KPNA1: variants seen among roughly 807,000 people sequenced by gnomAD.
The protein encoded by KPNA1 is karyopherin subunit alpha 1.
Under a neutral mutation model 70.5 loss-of-function variants are expected in KPNA1, and 10 were observed. The ratio of observed to expected loss-of-function variants is 0.14; its 90% CI spans 0.09 to 0.24. The LOEUF is 0.24. Among genes scored for constraint, KPNA1 ranks in the 10% least tolerant of loss-of-function variants. KPNA1 has a pLI of 1.00. For synonymous variants in KPNA1, 192 were observed against 221.9 expected, an observed-to-expected ratio of 0.87 and a Z score of 1.20; for missense variants, 397 against 637.9, an observed-to-expected ratio of 0.62 and a Z score of 4.07.
intron 2 of KPNA1, among the ~76,000 whole-genome samples, chr3:122,488,400 C>T (rs2076654779): frequency 6.6e-6 from 1 of 152,056 alleles, no homozygotes; most frequent in Admixed American, 6.6e-5. Flanking sequence ...TGCGTGCCTG[C>T]AGCCTCAGCT....
At chr3:122,514,025 T>C (rs2076985965) in intron 1 of KPNA1, among the ~76,000 whole-genome samples, 1 of 152,218 alleles carries the variant, frequency 6.6e-6, no homozygotes, top group Admixed American at 6.5e-5. Flanking sequence ...TCATGACGAC[T>C]TCCTTGACTC....
intron 9 of KPNA1, among the ~76,000 whole-genome samples, chr3:122,447,798 T>C (rs2076156677): frequency 1.3e-5 from 2 of 152,170 alleles, no homozygotes; most frequent in South Asian, 2.1e-4. Flanking sequence ...CCAAATCTCC[T>C]TGAGCTGATA....
intron 2 of KPNA1, among the ~76,000 whole-genome samples, chr3:122,484,294 T>G (rs2076604429): frequency 6.6e-6 from 1 of 152,196 alleles, no homozygotes; most frequent in African/African-American, 2.4e-5. Context: ...AGATTTTTAG[T>G]ACATAAGAAC....
chr3:122,496,624 T>C (rs2076764733), intron 1 of KPNA1, 54 bp from the exon 2 acceptor site: 2 of 1,520,722 alleles, frequency 1.3e-6, no homozygotes, highest in Non-Finnish European at 1.8e-6. Context: ...AGCTCTGTTA[T>C]TCTAAGAGCT....
Position 122,452,032 on chromosome 3 carries a change from A to G in KPNA1, c.597T>C (p.Asp199=). 5.6e-6 allele frequency: 9 copies of G among 1,612,528 alleles called. No individual in the cohort carries two copies. The highest frequency in any genetic ancestry group is 1.7e-5 in the Admixed American group (1 of 59,858). ...AGACATAGTCCCTGCACATGGTACT[A>G]TCTCCAGCAATGTTGCCAAGAGCCC... The part of the protein sequence containing the change: ...AVWALGNIAG[D]STMCRDYVLD... The change falls in exon 7 of 14, where the codon GAT becomes GAC. Residue 199 remains aspartate, a synonymous_variant. Coordinates refer to ENST00000344337, the MANE Select transcript of KPNA1 (RefSeq NM_002264.4).
At chr3:122,512,928 T>C (rs1002366981) in intron 1 of KPNA1, among the ~76,000 whole-genome samples, 5 of 148,644 alleles carry the variant, frequency 3.4e-5, no homozygotes, top group African/African-American at 4.9e-5. Context: ...TCAACTATAA[T>C]AACTGACAAA....
intron 8 of KPNA1, 127 bp downstream of exon 8, chr3:122,451,407 C>A: frequency 3.4e-6 from 2 of 589,354 alleles, no homozygotes; most frequent in Non-Finnish European, 5.8e-6. Flanking sequence ...CCTGTTTCTC[C>A]AAAAACAGAT....
chr3:122,478,200 A>G (rs868231180), intron 2 of KPNA1, among the ~76,000 whole-genome samples: 5 of 150,350 alleles, frequency 3.3e-5, no homozygotes, highest in Middle Eastern at 3.4e-3. Flanking sequence ...AAAAGAAAAA[A>G]GGGTCCAAAG....
intron 2 of KPNA1, among the ~76,000 whole-genome samples, chr3:122,486,743 C>A (rs1247101960): frequency 2.0e-5 from 3 of 152,086 alleles, no homozygotes; most frequent in Admixed American, 2.0e-4. Flanking sequence ...ACCGCCACCA[C>A]GCCCGGCTAA....
chr3:122,499,769 A>G (rs968127309), intron 1 of KPNA1, among the ~76,000 whole-genome samples: 47 of 152,096 alleles, frequency 3.1e-4, no homozygotes, highest in African/African-American at 1.1e-3. Flanking sequence ...CAAGAAAAAA[A>G]AAAAAAAAGA....
intron 2 of KPNA1, among the ~76,000 whole-genome samples, chr3:122,486,802 T>C (rs1381547584): frequency 6.6e-6 from 1 of 152,100 alleles, no homozygotes; most frequent in East Asian, 1.9e-4. Flanking sequence ...TTAGCCAGGA[T>C]GGTCTTGATC....
chr3:122,449,317 C>G (rs921111314), intron 9 of KPNA1, among the ~76,000 whole-genome samples: 6 of 152,118 alleles, frequency 3.9e-5, no homozygotes, highest in Non-Finnish European at 7.3e-5. Context: ...CAGTATGAGC[C>G]TGGAACTACA....
At chr3:122,476,232 T>C (rs911576646) in intron 2 of KPNA1, among the ~76,000 whole-genome samples, 1 of 152,116 alleles carries the variant, frequency 6.6e-6, no homozygotes, top group African/African-American at 2.4e-5. Flanking sequence ...AAATTAGATA[T>C]CCATGTGCAC....
chr3:122,453,684 G>A (rs537545805), intron 6 of KPNA1, among the ~76,000 whole-genome samples, 186 bp downstream of exon 6: 3 of 152,058 alleles, frequency 2.0e-5, no homozygotes, highest in East Asian at 3.9e-4. Flanking sequence ...TTACAGACAC[G>A]TACCACCATG....
chr3:122,438,399 T>TG (rs201723678), intron 10 of KPNA1, among the ~76,000 whole-genome samples: 21,070 of 151,864 alleles, frequency 0.14, 1,580 homozygotes, highest in East Asian at 0.32. Flanking sequence ...TGTTTTTTTT[T>TG]TTTTGAGACA....
At chr3:122,505,856 T>A (rs562332990) in intron 1 of KPNA1, among the ~76,000 whole-genome samples, 1 of 152,228 alleles carries the variant, frequency 6.6e-6, no homozygotes, top group Non-Finnish European at 1.5e-5. Flanking sequence ...GACACCTAGA[T>A]AACTACAACA....
intron 5 of KPNA1, among the ~76,000 whole-genome samples, chr3:122,454,916 T>C (rs909082149): frequency 3.3e-5 from 5 of 152,234 alleles, no homozygotes; most frequent in African/African-American, 1.2e-4. Context: ...AACTTGACTC[T>C]TTAGCTTAAT....
intron 1 of KPNA1, among the ~76,000 whole-genome samples, chr3:122,502,257 T>C (rs1309463599): frequency 1.3e-5 from 2 of 152,186 alleles, no homozygotes; most frequent in Non-Finnish European, 2.9e-5. Context: ...TGAGAGAGAC[T>C]GAATTGTGCC....
At chr3:122,439,295 G>A (rs1576284629) in intron 10 of KPNA1, among the ~76,000 whole-genome samples, 1 of 152,254 alleles carries the variant, frequency 6.6e-6, no homozygotes, top group Middle Eastern at 3.4e-3. Flanking sequence ...CAATCCTCCT[G>A]CCTCAGCCTC....
Sources: gnomAD v4.1 joint callset for allele counts (sites outside exome capture counted in the v4.1 genomes callset) on GRCh38, gnomAD v4.1.1 for gene constraint, MANE v1.5 for transcripts, NCBI Gene and HGNC (gene_info 2026-07-23, HGNC 2026-07-21) for gene names.